Variants in CREB3L1 observed in about 807,000 individuals in gnomAD.
CREB3L1 encodes cAMP responsive element binding protein 3 like 1.
Under a neutral mutation model 54.5 loss-of-function variants are expected in CREB3L1, and 33 were observed. The ratio of observed to expected loss-of-function variants is 0.61; its 90% CI spans 0.46 to 0.81. CREB3L1 has a LOEUF of 0.81. CREB3L1 is among the 30% of genes least tolerant of loss of function. CREB3L1 has a pLI of 0.00. For synonymous variants in CREB3L1, 284 were observed against 286.4 expected (o/e 0.99, Z 0.08); for missense variants, 656 against 673.3 (o/e 0.97, Z 0.29).
chr11:46,296,717 A>T (rs1188198988), intron 1 of CREB3L1, among the ~76,000 whole-genome samples: 1 of 152,046 alleles, frequency 6.6e-6, no homozygotes, highest in Non-Finnish European at 1.5e-5. Context: ...CGCAAAGAGG[A>T]CCTGGGCGTC....
chr11:46,310,223 C>T (rs535572542), intron 4 of CREB3L1, among the ~76,000 whole-genome samples, 156 bp downstream of exon 4: 1 of 152,096 alleles, frequency 6.6e-6, no homozygotes, highest in Non-Finnish European at 1.5e-5. Flanking sequence ...CCATCCATGC[C>T]CACTCTTCGT....
chr11:46,295,424 T>TC lies in CREB3L1; in HGVS notation c.103-4510dup, dbSNP rs1436984583. The TC allele has an allele frequency of 6.6e-6, 1 of 151,924 alleles. No individual in the cohort carries two copies. The highest frequency in any genetic ancestry group is 6.5e-5 in the Admixed American group (1 of 15,268). The allele number at this position is 151,924 out of a possible 1,614,324, so 9.4% of individuals were successfully genotyped here. A position where few individuals can be genotyped will look rare whatever the true frequency, so the allele number is the denominator to read the frequency against. On this transcript the variant is annotated intron_variant, in intron 1 of 11. Transcript: ENST00000621158. The surrounding 1 kb of genome is among the most constrained non-coding windows in gnomAD (Gnocchi z 4.6). ...GTCGGGGAGACCCTCGGTCTCCACT[T>TC]CTCCCTGCGGGGGTGGGGGCGGGGC...
rs536354116 is a variant in CREB3L1, at chr11:46,311,502, T to C, written c.753+313T>C. On this transcript the variant is annotated intron_variant, in intron 5 of 11. Transcript: ENST00000621158. ...GCACTTGCCACCGTGTCTGGCTTTT[T>C]TTTGTTTGTTTTTTTTTTTTGAGAT... 2.6e-5 allele frequency among the ~76,000 whole-genome samples: 4 copies of C among 151,428 alleles called. No individual in the cohort carries two copies. In the South Asian group the frequency reaches 8.3e-4, roughly 32 times the overall value.
intron 1 of CREB3L1, among the ~76,000 whole-genome samples, chr11:46,299,678 G>GGTGA (rs1325989394): frequency 6.6e-6 from 1 of 152,178 alleles, no homozygotes; most frequent in East Asian, 1.9e-4. Flanking sequence ...AGATAACAAT[G>GGTGA]GTGAGCGTGG....
rs1210803905 is a variant in CREB3L1, at chr11:46,277,978, C to T, written c.-134C>T. On this transcript the variant is annotated 5_prime_UTR_variant, in exon 1 of 12. Transcript: ENST00000621158. ...CCGGGGCCGCGCCGCCTCCGTCCGC[C>T]CCTCCCCCGGGGCTTCGCCCCGGAC... 6.9e-6 allele frequency: 3 copies of T among 433,178 alleles called. No individual in the cohort carries two copies. The highest frequency in any genetic ancestry group is 8.9e-5 in the Admixed American group (2 of 22,390). The allele number at this position is 433,178 out of a possible 1,614,324, so 26.8% of individuals were successfully genotyped here.
At chr11:46,317,295 G>A in intron 9 of CREB3L1, 66 bp from the exon 10 acceptor site, 4 of 1,594,740 alleles carry the variant, frequency 2.5e-6, no homozygotes, top group Non-Finnish European at 3.4e-6. Flanking sequence ...GAGAGGAGGA[G>A]TGGGGTGGTC....
At chr11:46,300,948 T>C (rs1939289711) in intron 2 of CREB3L1, among the ~76,000 whole-genome samples, 1 of 134,674 alleles carries the variant, frequency 7.4e-6, no homozygotes, top group Admixed American at 8.8e-5. Flanking sequence ...GAGCTTGCAG[T>C]GAGCCAAGAT....
intron 10 of CREB3L1, among the ~76,000 whole-genome samples, chr11:46,318,600 A>T (rs976328156): frequency 6.6e-6 from 1 of 152,238 alleles, no homozygotes; most frequent in African/African-American, 2.4e-5. Flanking sequence ...GCTACATCAC[A>T]GTAGCTGGCA....
At chr11:46,281,622 C>T (rs1165259457) in intron 1 of CREB3L1, among the ~76,000 whole-genome samples, 3 of 152,164 alleles carry the variant, frequency 2.0e-5, no homozygotes, top group Admixed American at 6.5e-5. Flanking sequence ...CCCAGCATTG[C>T]GGGGAGGCGG....
At position 46,320,914 on chromosome 11, in the gene CREB3L1, T is replaced by C; in HGVS notation, c.*168T>C. 1.3e-6 allele frequency: 1 copy of C among 758,098 alleles called. No homozygotes were observed. Among genetic ancestry groups the C allele is most frequent in the Non-Finnish European group, 2.3e-6 (1 of 431,146 alleles). The allele number at this position is 758,098 out of a possible 1,614,324, so 47.0% of individuals were successfully genotyped here. On this transcript the variant is annotated 3_prime_UTR_variant, in exon 12 of 12. Transcript: ENST00000621158. ...TGCCCCTGACATTTGGACTCTTCCC[T>C]TGGGCCGACCACTCTGTTCTCATTC...
chr11:46,317,319 C>T (rs779039163), intron 9 of CREB3L1, 42 bp from the exon 10 acceptor site: 5 of 1,610,896 alleles, frequency 3.1e-6, no homozygotes, highest in Non-Finnish European at 4.2e-6. Context: ...GCCGTGGCCC[C>T]TCCTTACCCC....
rs948097578 is a variant in CREB3L1 at position 46,320,471 on chromosome 11, A to G, written c.1466A>G (p.Asp489Gly). 1 of 1,599,708 alleles carries G rather than the reference A, an allele frequency of 6.3e-7. No individual in the cohort carries two copies. Among genetic ancestry groups the G allele is most frequent in the Admixed American group, 1.7e-5 (1 of 57,574 alleles). The change falls in exon 11 of 12, where the codon GAC becomes GGC. Residue 489 changes from aspartate to glycine, a missense_variant. Physicochemically the swap from Asp to Gly is moderately conservative, Grantham distance 94. Coordinates refer to ENST00000621158, the MANE Select transcript of CREB3L1 (RefSeq NM_052854.4). Reference sequence around the variant, plus strand: ...TACCTGAGTGAGGCCTGGCCTAAAGACGGTGGAAACGGCACCAGCCCCGAC... The same window carrying G: ...TACCTGAGTGAGGCCTGGCCTAAAGGCGGTGGAAACGGCACCAGCCCCGAC... ...TKYLSEAWPK[D>G]GGNGTSPDFS...
At chr11:46,303,991 G>T (rs914490598) in intron 2 of CREB3L1, among the ~76,000 whole-genome samples, 2 of 152,134 alleles carry the variant, frequency 1.3e-5, no homozygotes, top group Non-Finnish European at 2.9e-5. Context: ...AGGCGACAGA[G>T]CAAGACCCTG....
chr11:46,306,334 C>T (rs1939396283), intron 2 of CREB3L1, among the ~76,000 whole-genome samples: 1 of 151,902 alleles, frequency 6.6e-6, no homozygotes. Context: ...TGGGCAACAT[C>T]TCTACAAAAA....
chr11:46,309,510 C>T (rs1037963470), intron 3 of CREB3L1, among the ~76,000 whole-genome samples: 38 of 152,238 alleles, frequency 2.5e-4, no homozygotes, highest in Non-Finnish European at 5.4e-4. Context: ...ACTTCTTTGT[C>T]TAGATTCTAC....
At chr11:46,284,495 A>C (rs1939026914) in intron 1 of CREB3L1, among the ~76,000 whole-genome samples, 1 of 151,990 alleles carries the variant, frequency 6.6e-6, no homozygotes, top group African/African-American at 2.4e-5. Flanking sequence ...TACTAAAAAT[A>C]CCAAAAAAAT....
At chr11:46,300,274 A>G in intron 2 of CREB3L1, 111 bp downstream of exon 2, 1 of 812,996 alleles carries the variant, frequency 1.2e-6, no homozygotes, top group Non-Finnish European at 2.0e-6. Flanking sequence ...AGAGGCTCCA[A>G]GAGGAGCCAC....
chr11:46,316,226 C>G, intron 8 of CREB3L1, 60 bp from the exon 9 acceptor site: 1 of 1,099,726 alleles, frequency 9.1e-7, no homozygotes, highest in Non-Finnish European at 1.4e-6. Context: ...AGGAGAGCTC[C>G]AGGAGGCAGA....
intron 5 of CREB3L1, 110 bp from the exon 6 acceptor site, chr11:46,312,215 G>A: frequency 1.1e-6 from 1 of 885,716 alleles, no homozygotes; most frequent in South Asian, 1.8e-5. Context: ...AGGAAACTGA[G>A]GCATAGAGCA....
Sources: gnomAD v4.1 joint callset for allele counts (sites outside exome capture counted in the v4.1 genomes callset) on GRCh38, gnomAD v4.1.1 for gene constraint, Gnocchi (gnomAD v3.1) non-coding constraint, MANE v1.5 for transcripts, NCBI Gene and HGNC (gene_info 2026-07-23, HGNC 2026-07-21) for gene names.